The following GRIN2A variants were observed in gnomAD, a reference collection of about 807,000 sequenced individuals.
The protein encoded by GRIN2A is glutamate ionotropic receptor NMDA type subunit 2A.
GRIN2A carries 22 observed loss-of-function variants against 113.4 expected under a neutral mutation model. The observed-to-expected ratio is 0.19, with a 90% CI of 0.14 to 0.28. GRIN2A has a LOEUF of 0.28. GRIN2A is among the 10% of genes least tolerant of loss of function. GRIN2A has a pLI of 1.00. For missense variants in GRIN2A, 1,502 were observed against 1,887.0 expected (o/e 0.80, Z 3.78); for synonymous variants, 827 against 738.4 (o/e 1.12, Z -1.94).
intron 7 of GRIN2A, among the ~76,000 whole-genome samples, chr16:9,836,548 G>A (rs1239696450): frequency 2.0e-5 from 3 of 152,178 alleles, no homozygotes; most frequent in Non-Finnish European, 4.4e-5. Context: ...AACTGATGAA[G>A]CAACTGTTCC....
At chr16:10,045,412 ATT>A (rs35008944) in intron 2 of GRIN2A, among the ~76,000 whole-genome samples, 33 of 149,678 alleles carry the variant, frequency 2.2e-4, no homozygotes, top group Admixed American at 7.3e-4. Flanking sequence ...CCTCTTGCAA[ATT>A]TTTTTTTTTT....
chr16:9,755,360 G>C lies in GRIN2A; in HGVS notation c.*7789C>G. The stretch of plus-strand genomic sequence containing the variant: ...TTTCTGCATAGCTCAACATTCCAAG[G>C]AGAACATGGTCACGCACTTGTAGAC... On this transcript the variant is annotated 3_prime_UTR_variant, in exon 13 of 13. Transcript: ENST00000330684. 1 of 187,252 alleles carries C rather than the reference G, an allele frequency of 5.3e-6. No homozygotes were observed. Among genetic ancestry groups the C allele is most frequent in the East Asian group, 8.5e-5 (1 of 11,704 alleles). 11.6% of individuals were successfully genotyped at this position (187,252 alleles called of 1,614,324 possible). A position where few individuals can be genotyped will look rare whatever the true frequency, so the allele number is the denominator to read the frequency against.
intron 2 of GRIN2A, among the ~76,000 whole-genome samples, chr16:10,115,961 G>A (rs115138981): frequency 1.4e-3 from 220 of 152,136 alleles, no homozygotes; most frequent in African/African-American, 4.9e-3. Context: ...CAGCAATCCC[G>A]TTACAGGGTA....
chr16:9,805,566 A>G (rs1021943146), intron 10 of GRIN2A: 6 of 152,208 alleles, frequency 3.9e-5, no homozygotes, highest in African/African-American at 1.4e-4. Context: ...AGGGAACACA[A>G]TTCAGATTTA....
chr16:10,044,140 G>A (rs1230635504), intron 2 of GRIN2A, among the ~76,000 whole-genome samples: 1 of 151,170 alleles, frequency 6.6e-6, no homozygotes, highest in Non-Finnish European at 1.5e-5. Context: ...TGCAACCTCT[G>A]CCTCCCAGGT....
intron 2 of GRIN2A, among the ~76,000 whole-genome samples, chr16:9,988,498 A>G (rs1460032422): frequency 6.6e-6 from 1 of 151,844 alleles, no homozygotes; most frequent in Non-Finnish European, 1.5e-5. Context: ...AATCCCCACC[A>G]TGGTTGTCCA....
chr16:10,113,294 C>T (rs1465690688), intron 2 of GRIN2A, among the ~76,000 whole-genome samples: 1 of 152,314 alleles, frequency 6.6e-6, no homozygotes, highest in African/African-American at 2.4e-5. Flanking sequence ...TCTTCCCGGG[C>T]CGCTGCCCCC....
chr16:10,047,098 T>C (rs1319987163), intron 2 of GRIN2A, among the ~76,000 whole-genome samples: 2 of 152,180 alleles, frequency 1.3e-5, no homozygotes, highest in African/African-American at 2.4e-5. Flanking sequence ...AGAACATTTG[T>C]CCCTGAAGGA....
intron 2 of GRIN2A, among the ~76,000 whole-genome samples, chr16:10,147,649 AAAAG>A (rs1346732199): frequency 1.3e-4 from 20 of 149,956 alleles, no homozygotes; most frequent in Admixed American, 7.2e-4. Context: ...AAAAAAAAAA[AAAAG>A]AAGAAGAAGA....
chr16:10,038,514 A>T (rs2047077218), intron 2 of GRIN2A, among the ~76,000 whole-genome samples: 1 of 151,526 alleles, frequency 6.6e-6, no homozygotes. Context: ...GCCAGTAGCA[A>T]CTCCACCTTA....
chr16:9,790,625 G>A (rs1902550394), intron 11 of GRIN2A, among the ~76,000 whole-genome samples: 2 of 152,160 alleles, frequency 1.3e-5, no homozygotes, highest in South Asian at 4.1e-4. Context: ...ATCTTGTGGT[G>A]AATACAGAGG....
At chr16:9,826,413 C>T (rs1345365975) in intron 9 of GRIN2A, among the ~76,000 whole-genome samples, 1 of 152,138 alleles carries the variant, frequency 6.6e-6, no homozygotes, top group Non-Finnish European at 1.5e-5. Context: ...TAATTTAAGT[C>T]CCAGCTCATC....
intron 2 of GRIN2A, among the ~76,000 whole-genome samples, chr16:10,004,220 C>T (rs1034647130): frequency 6.6e-6 from 1 of 152,108 alleles, no homozygotes; most frequent in Admixed American, 6.5e-5. Flanking sequence ...GAAACCCCAT[C>T]TCTACTAAAA....
intron 2 of GRIN2A, among the ~76,000 whole-genome samples, chr16:10,040,077 C>CCAT: frequency 1.2e-3 from 1 of 854 alleles, no homozygotes; most frequent in Non-Finnish European, 2.7e-3. Flanking sequence ...CACACATCCA[C>CCAT]ACACCACACA....
At chr16:10,056,057 C>G (rs1002607855) in intron 2 of GRIN2A, among the ~76,000 whole-genome samples, 13 of 152,324 alleles carry the variant, frequency 8.5e-5, no homozygotes, top group African/African-American at 3.1e-4. Context: ...TATCCCTGGA[C>G]AGCTGGTAGC....
chr16:10,175,835 C>A (rs2050131649), intron 2 of GRIN2A, among the ~76,000 whole-genome samples: 2 of 152,152 alleles, frequency 1.3e-5, no homozygotes, highest in Admixed American at 6.5e-5. Flanking sequence ...GGACACTGAG[C>A]AGAAGTGTAA....
chr16:9,832,391 T>TC (rs2042512580), intron 8 of GRIN2A, among the ~76,000 whole-genome samples: 1 of 152,152 alleles, frequency 6.6e-6, no homozygotes, highest in Admixed American at 6.6e-5. Flanking sequence ...TCAATGAACA[T>TC]CCTTTCCCAT....
At chr16:9,802,791 T>A (rs1477763666) in intron 10 of GRIN2A, among the ~76,000 whole-genome samples, 1 of 152,120 alleles carries the variant, frequency 6.6e-6, no homozygotes, top group Non-Finnish European at 1.5e-5. Context: ...ACTTGAAATA[T>A]GTTTAGTGCA....
rs140003996 is a variant in GRIN2A at position 9,853,901 on chromosome 16, A to G, written c.1123-3940T>C. Among the ~76,000 whole-genome samples, 434 of 152,344 alleles carry G rather than the reference A, an allele frequency of 2.8e-3. 2 individuals are homozygous for G. The highest frequency in any genetic ancestry group is 0.01 in the African/African-American group (423 of 41,576). The stretch of plus-strand genomic sequence containing the variant: ...AAAAAACCCATTATATAATTTATTC[A>G]TAAATCCTTAATTTGATTTAAATAT... On this transcript the variant is annotated intron_variant, in intron 4 of 12. Coordinates refer to ENST00000330684, the MANE Select transcript of GRIN2A (RefSeq NM_001134407.3).
Sources: allele counts gnomAD v4.1 joint callset (sites outside exome capture counted in the v4.1 genomes callset), GRCh38; gene constraint gnomAD v4.1.1; transcripts MANE v1.5; gene names NCBI Gene and HGNC (gene_info 2026-07-23, HGNC 2026-07-21).